The following ZC3H3 variants were observed in gnomAD, a reference collection of about 807,000 sequenced individuals.
The protein encoded by ZC3H3 is zinc finger CCCH-type containing 3, also known as zinc finger CCCH domain-containing protein 3.
Under a neutral mutation model 77.3 loss-of-function variants are expected in ZC3H3, and 36 were observed. The ratio of observed to expected loss-of-function variants is 0.47; its 90% CI spans 0.36 to 0.61. ZC3H3 has a LOEUF of 0.61. ZC3H3 is among the 20% of genes least tolerant of loss of function. The pLI is 0.00. For missense variants in ZC3H3, 1,331 were observed against 1,312.2 expected, an observed-to-expected ratio of 1.01 and a Z score of -0.22; for synonymous variants, 626 against 555.2, an observed-to-expected ratio of 1.13 and a Z score of -1.79.
chr8:143,539,115 T>G lies in ZC3H3; in HGVS notation c.252A>C (p.Ser84=), dbSNP rs776306126. 1 of 1,612,796 alleles carries G rather than the reference T, an allele frequency of 6.2e-7. No homozygotes were observed. The highest frequency in any genetic ancestry group is 1.1e-5 in the South Asian group (1 of 91,070). The change falls in exon 2 of 12, where the codon TCA becomes TCC. Residue 84 remains serine (S), a synonymous_variant. Coordinates refer to ENST00000262577, the MANE Select transcript of ZC3H3 (RefSeq NM_015117.3). ...YSLVNRPPGP[S]DPPADHAVRP... ...GCACAGCATGGTCGGCAGGAGGGTC[T>G]GAGGGTCCCGGGGGCCGATTCACGA...
intron 4 of ZC3H3, among the ~76,000 whole-genome samples, chr8:143,476,488 T>C (rs2129910632): frequency 6.6e-6 from 1 of 152,294 alleles, no homozygotes; most frequent in African/African-American, 2.4e-5. Flanking sequence ...AAGAGGGGCC[T>C]GAGCTGCACT....
At chr8:143,490,356 A>C (rs1031628260) in intron 4 of ZC3H3, among the ~76,000 whole-genome samples, 6 of 152,210 alleles carry the variant, frequency 3.9e-5, no homozygotes, top group African/African-American at 1.2e-4. Flanking sequence ...GCTCTCCTGA[A>C]CACTCCTGTC....
rs752104066 is a variant in ZC3H3, at chr8:143,538,530, C to G, written c.837G>C (p.Val279=). ...CTGAGGCCGGTCTGGCGGGGCCCCC[C>G]ACTGAGCCAGACGGAACTGGCTGAT... The part of the protein sequence containing the change: ...HTDQPVPSGS[V]GGPARPASGP... The change falls in exon 2 of 12, where the codon GTG becomes GTC. Residue 279 remains valine, a synonymous_variant. Coordinates refer to ENST00000262577, the MANE Select transcript of ZC3H3 (RefSeq NM_015117.3). The G allele has an allele frequency of 8.7e-6, 14 of 1,612,186 alleles. No individual in the cohort carries two copies. Among genetic ancestry groups the G allele is most frequent in the Non-Finnish European group, 1.1e-5 (13 of 1,180,010 alleles).
At chr8:143,513,977 C>T (rs1367813834) in intron 3 of ZC3H3, among the ~76,000 whole-genome samples, 7 of 152,234 alleles carry the variant, frequency 4.6e-5, no homozygotes, top group Non-Finnish European at 1.0e-4. Context: ...GGCCCCTCCA[C>T]CAGCCCCTTT....
At chr8:143,535,288 C>A (rs1822757694) in intron 3 of ZC3H3, among the ~76,000 whole-genome samples, 1 of 152,328 alleles carries the variant, frequency 6.6e-6, no homozygotes, top group African/African-American at 2.4e-5. Flanking sequence ...ATCTTCCCAC[C>A]TTGGCCTCCC....
chr8:143,511,684 G>A (rs532872150), intron 3 of ZC3H3, among the ~76,000 whole-genome samples: 2 of 152,314 alleles, frequency 1.3e-5, no homozygotes, highest in South Asian at 4.1e-4. Context: ...GCCTCTGACC[G>A]TGCCCCAGGC....
intron 3 of ZC3H3, among the ~76,000 whole-genome samples, chr8:143,528,317 G>A (rs2130487988): frequency 6.6e-6 from 1 of 152,352 alleles, no homozygotes; most frequent in South Asian, 2.1e-4. Context: ...CAGAAGCCAG[G>A]CGGCACTGCC....
chr8:143,461,189 C>G (rs1057189712), intron 9 of ZC3H3, among the ~76,000 whole-genome samples: 3 of 151,984 alleles, frequency 2.0e-5, no homozygotes, highest in African/African-American at 7.3e-5. Context: ...TTATGTGGTA[C>G]GTGAATCATA....
chr8:143,465,944 G>A, intron 8 of ZC3H3, 96 bp from the exon 9 acceptor site: 1 of 1,468,408 alleles, frequency 6.8e-7, no homozygotes. Context: ...GCCCGAGAGA[G>A]AAATGGACAC....
intron 3 of ZC3H3, among the ~76,000 whole-genome samples, chr8:143,509,536 T>C (rs1474241021): frequency 6.6e-6 from 1 of 152,018 alleles, no homozygotes; most frequent in African/African-American, 2.4e-5. Context: ...AACCCCAGAG[T>C]GCCCAAATGG....
Position 143,527,297 on chromosome 8 carries a change from A to C in ZC3H3, c.1561+8960T>G, listed in dbSNP as rs1255986724. Among the ~76,000 whole-genome samples the C allele has an allele frequency of 5.9e-5, 9 of 152,284 alleles. No homozygotes were observed. In the East Asian group the frequency reaches 1.7e-3, roughly 29 times the overall value. ...GGGATGTGCCAGCCCTGGGCTGGGA[A>C]GAGAGGGACAAGAGGACTACCTCAA... On this transcript the variant is annotated intron_variant, in intron 3 of 11. Transcript: ENST00000262577.
chr8:143,481,898 C>G (rs1820917961), intron 4 of ZC3H3, among the ~76,000 whole-genome samples: 1 of 152,268 alleles, frequency 6.6e-6, no homozygotes, highest in Admixed American at 6.5e-5. Context: ...CGAGGCAATG[C>G]CCAGGCCCTG....
At chr8:143,456,060 T>C (rs982884269) in intron 9 of ZC3H3, among the ~76,000 whole-genome samples, 4 of 149,786 alleles carry the variant, frequency 2.7e-5, no homozygotes, top group African/African-American at 7.4e-5. Flanking sequence ...TTCCAAATGA[T>C]GGAATTGGGT....
intron 4 of ZC3H3, among the ~76,000 whole-genome samples, chr8:143,479,516 T>C (rs975947185): frequency 1.3e-5 from 2 of 152,278 alleles, no homozygotes; most frequent in East Asian, 1.9e-4. Flanking sequence ...TGCCAGGAAA[T>C]TTCATTAACG....
chr8:143,506,625 A>T (rs1478995230), intron 4 of ZC3H3, among the ~76,000 whole-genome samples: 1 of 152,232 alleles, frequency 6.6e-6, no homozygotes, highest in Non-Finnish European at 1.5e-5. Flanking sequence ...AAACAAAAAT[A>T]TTACAAAAAG....
chr8:143,467,890 C>A (rs1180119101), intron 8 of ZC3H3, among the ~76,000 whole-genome samples: 7 of 152,090 alleles, frequency 4.6e-5, no homozygotes, highest in Non-Finnish European at 1.0e-4. Context: ...ACAGGGGCAC[C>A]TGTGGGACCA....
In ZC3H3 at chr8:143,437,870, A is replaced by C; in HGVS notation, c.*186T>G. ...GACAGGGGCCTGGCTTGGGGGAGGA[A>C]GACCAGGCCCTGCGCACACGCTGGT... On this transcript the variant is annotated 3_prime_UTR_variant, in exon 12 of 12. Coordinates refer to ENST00000262577, the MANE Select transcript of ZC3H3 (RefSeq NM_015117.3). 1.3e-6 allele frequency: 1 copy of C among 775,014 alleles called. No individual in the cohort carries two copies. Among genetic ancestry groups the C allele is most frequent in the Non-Finnish European group, 2.1e-6 (1 of 483,900 alleles). The allele number at this position is 775,014 out of a possible 1,614,324, so 48.0% of individuals were successfully genotyped here. A position where few individuals can be genotyped will look rare whatever the true frequency, so the allele number is the denominator to read the frequency against.
intron 9 of ZC3H3, among the ~76,000 whole-genome samples, chr8:143,461,606 G>A (rs552350731): frequency 5.8e-4 from 89 of 152,234 alleles, no homozygotes; most frequent in African/African-American, 2.0e-3. Flanking sequence ...GCAACCACCC[G>A]AACGGACAAA....
intron 4 of ZC3H3, among the ~76,000 whole-genome samples, chr8:143,504,241 C>T (rs1403362456): frequency 6.6e-6 from 1 of 152,174 alleles, no homozygotes; most frequent in African/African-American, 2.4e-5. Flanking sequence ...CCTGGGGGCT[C>T]ATGGCCAGGA....
Sources: gnomAD v4.1 joint callset for allele counts (sites outside exome capture counted in the v4.1 genomes callset) on GRCh38, gnomAD v4.1.1 for gene constraint, MANE v1.5 for transcripts, NCBI Gene and HGNC (gene_info 2026-07-23, HGNC 2026-07-21) for gene names.